PITPNA: variants seen among roughly 807,000 people sequenced by gnomAD.
The protein encoded by PITPNA is phosphatidylinositol transfer protein alpha isoform.
A neutral mutation model predicts 50.3 loss-of-function variants in PITPNA; 13 were observed. The ratio of observed to expected loss-of-function variants is 0.26; its 90% CI spans 0.17 to 0.41. The LOEUF is 0.41. Among genes scored for constraint, PITPNA ranks in the 10% least tolerant of loss-of-function variants. PITPNA has a pLI of 1.00. For synonymous variants in PITPNA, 120 were observed against 119.6 expected (o/e 1.00, Z -0.02); for missense variants, 207 against 333.4 (o/e 0.62, Z 2.95).
Position 1,535,429 on chromosome 17 carries a change from T to A in PITPNA, c.534+12A>T. 6.2e-7 allele frequency: 1 copy of A among 1,605,376 alleles called. No homozygotes were observed. Among genetic ancestry groups the A allele is most frequent in the Non-Finnish European group, 8.5e-7 (1 of 1,172,174 alleles). On this transcript the variant is annotated intron_variant, in intron 8 of 11. Transcript: ENST00000313486. ...CTGCCCAGCCCCCTGGCAGTGAAGG[T>A]GTGAATGGTACCTTCCAATTGGGGC...
chr17:1,561,003 AAGAG>A (rs2151015952), intron 1 of PITPNA, among the ~76,000 whole-genome samples: 1 of 152,276 alleles, frequency 6.6e-6, no homozygotes, highest in Non-Finnish European at 1.5e-5. Flanking sequence ...ACAAAGTGGC[AAGAG>A]CTCTCTGCAC....
intron 10 of PITPNA, among the ~76,000 whole-genome samples, chr17:1,524,147 C>A (rs1288786496): frequency 6.6e-6 from 1 of 151,132 alleles, no homozygotes; most frequent in East Asian, 2.0e-4. Flanking sequence ...TGGGTTCACG[C>A]CATTCTCCTG....
Position 1,562,614 on chromosome 17 carries a change from C to A in PITPNA, c.-54G>T. ...GGCCCGCCCGGCCTCCCGCCCGCTG[C>A]CCGCCGGCCGCTCTCCCCGTGGCCC... On this transcript the variant is annotated 5_prime_UTR_variant, in exon 1 of 12. Transcript: ENST00000313486. The surrounding 1 kb of genome is among the most constrained non-coding windows in gnomAD (Gnocchi z 6.4). The A allele has an allele frequency of 1.7e-6, 2 of 1,199,142 alleles. No individual in the cohort carries two copies. The highest frequency in any genetic ancestry group is 3.6e-5 in the East Asian group (1 of 27,728). The allele number at this position is 1,199,142 out of a possible 1,614,324, so 74.3% of individuals were successfully genotyped here.
intron 10 of PITPNA, among the ~76,000 whole-genome samples, chr17:1,529,984 T>A (rs2075571963): frequency 6.6e-6 from 1 of 152,184 alleles, no homozygotes; most frequent in Non-Finnish European, 1.5e-5. Context: ...TTATAAAACG[T>A]CCTCAACTTC....
intron 6 of PITPNA, 68 bp downstream of exon 6, chr17:1,541,498 G>A: frequency 6.3e-6 from 7 of 1,117,350 alleles, no homozygotes; most frequent in Non-Finnish European, 9.6e-6. Context: ...CCCCATGGTA[G>A]CCCTGGAGAG....
intron 1 of PITPNA, among the ~76,000 whole-genome samples, chr17:1,561,571 C>T (rs2075768386): frequency 6.6e-6 from 1 of 152,116 alleles, no homozygotes; most frequent in Admixed American, 6.5e-5. Context: ...CGGTAACTTC[C>T]CGGCCTTCTC....
intron 2 of PITPNA, among the ~76,000 whole-genome samples, chr17:1,554,758 C>A (rs2075727080): frequency 6.6e-6 from 1 of 152,100 alleles, no homozygotes; most frequent in East Asian, 1.9e-4. Flanking sequence ...TCACTGCTCA[C>A]CACAAGGCTG....
rs973171239 is a variant in PITPNA at position 1,545,549 on chromosome 17, C to A, written c.290-2522G>T. Among the ~76,000 whole-genome samples, 8 of 152,342 alleles carry A rather than the reference C, an allele frequency of 5.3e-5. 1 individual carries two copies. The highest frequency in any genetic ancestry group is 3.3e-4 in the Admixed American group (5 of 15,306). ...GGTCAGCACCCACTGAGGAAACCAA[C>A]CTTCCTTCCCCTACTCCCTGTCTCC... On this transcript the variant is annotated intron_variant, in intron 4 of 11. Transcript: ENST00000313486.
intron 7 of PITPNA, 181 bp from the exon 8 acceptor site, chr17:1,535,699 T>A (rs141373233): frequency 3.5e-5 from 21 of 607,248 alleles, no homozygotes; most frequent in African/African-American, 3.3e-4. Context: ...AGAGGAGAGT[T>A]CTATGTGATT....
At chr17:1,545,917 CTT>C (rs11322049) in intron 4 of PITPNA, among the ~76,000 whole-genome samples, 6,133 of 86,300 alleles carry the variant, frequency 0.071, 239 homozygotes, top group African/African-American at 0.1. Context: ...TGCATACTGC[CTT>C]TTTTTTTTTT....
Position 1,562,512 on chromosome 17 carries a change from C to A in PITPNA, c.20+29G>T. ...CGGCCGTCCCCACCCTCCCTCCTCC[C>A]CGCTTCCGCACGGCCGCCGGACACT... is the stretch of plus-strand genomic sequence containing the variant. On this transcript the variant is annotated intron_variant, in intron 1 of 11. Transcript: ENST00000313486. The surrounding 1 kb of genome is among the most constrained non-coding windows in gnomAD (Gnocchi z 6.4). 1 of 1,430,526 alleles carries A rather than the reference C, an allele frequency of 7.0e-7. No homozygotes were observed. The highest frequency in any genetic ancestry group is 9.2e-7 in the Non-Finnish European group (1 of 1,086,158). 88.6% of individuals were successfully genotyped at this position (1,430,526 alleles called of 1,614,324 possible). A position where few individuals can be genotyped will look rare whatever the true frequency, so the allele number is the denominator to read the frequency against.
At chr17:1,536,400 G>A (rs1338396885) in intron 7 of PITPNA, among the ~76,000 whole-genome samples, 2 of 149,728 alleles carry the variant, frequency 1.3e-5, no homozygotes, top group African/African-American at 2.5e-5. Flanking sequence ...CCATTCTCCT[G>A]CCTCAGCCTC....
In PITPNA at chr17:1,552,965, C is replaced by G. The variant is rs770150642; in HGVS notation, c.197+39G>C. The G allele has an allele frequency of 6.8e-6, 11 of 1,608,454 alleles. No homozygotes were observed. The South Asian group carries it at 8.8e-5, about 13-fold the overall frequency. On this transcript the variant is annotated intron_variant, in intron 3 of 11. Transcript: ENST00000313486. ...GAAATAACACTCATTCACACACACA[C>G]AAAAGCCAGCATCCGGCCCCGCTGC...
At chr17:1,541,974 C>T (rs540993920) in intron 5 of PITPNA, among the ~76,000 whole-genome samples, 3 of 151,904 alleles carry the variant, frequency 2.0e-5, no homozygotes, top group African/African-American at 2.4e-5. Context: ...CCGAGGCGGG[C>T]GGATCACTTG....
chr17:1,549,056 C>T (rs181035598), intron 3 of PITPNA, among the ~76,000 whole-genome samples: 5 of 152,060 alleles, frequency 3.3e-5, no homozygotes, highest in Admixed American at 2.0e-4. Flanking sequence ...TACAGGCATG[C>T]GCCACCACGC....
intron 2 of PITPNA, among the ~76,000 whole-genome samples, chr17:1,554,105 C>G (rs1175081049): frequency 6.6e-6 from 1 of 152,244 alleles, no homozygotes; most frequent in African/African-American, 2.4e-5. Context: ...AGTGCCCAGA[C>G]TTAGCCCTTC....
chr17:1,551,747 G>A (rs867847304), intron 3 of PITPNA, among the ~76,000 whole-genome samples: 1 of 152,234 alleles, frequency 6.6e-6, no homozygotes, highest in South Asian at 2.1e-4. Flanking sequence ...ACCAGAGGAG[G>A]AGCAAAACGA....
intron 3 of PITPNA, among the ~76,000 whole-genome samples, chr17:1,550,649 C>T (rs1051056736): frequency 5.3e-5 from 8 of 152,142 alleles, no homozygotes; most frequent in African/African-American, 1.9e-4. Flanking sequence ...CCACCTCAGC[C>T]TCCCAAGTAG....
chr17:1,557,957 G>A (rs973149187), intron 2 of PITPNA, among the ~76,000 whole-genome samples: 5 of 152,220 alleles, frequency 3.3e-5, no homozygotes, highest in African/African-American at 7.2e-5. Flanking sequence ...CCGGCCGGGT[G>A]TGGGGGCTCA....
Sources: allele counts gnomAD v4.1 joint callset (sites outside exome capture counted in the v4.1 genomes callset), GRCh38; gene constraint gnomAD v4.1.1; non-coding constraint Gnocchi (gnomAD v3.1); transcripts MANE v1.5; gene names NCBI Gene and HGNC (gene_info 2026-07-23, HGNC 2026-07-21).